Variants in NDST1 observed in about 807,000 individuals in gnomAD.
NDST1 encodes the protein N-deacetylase and N-sulfotransferase 1.
A neutral mutation model predicts 92.8 loss-of-function variants in NDST1; 35 were observed. That is an observed-to-expected ratio of 0.38 (90% CI 0.29 to 0.50). NDST1 has a LOEUF of 0.50. NDST1 is among the 20% of genes least tolerant of loss of function. The probability of loss-of-function intolerance (pLI) is 0.94; values close to 1 mark genes in which losing one functional copy is unlikely to be tolerated. For missense variants in NDST1, 822 were observed against 1,182.7 expected, an observed-to-expected ratio of 0.69 and a Z score of 4.47; for synonymous variants, 493 against 500.3, an observed-to-expected ratio of 0.99 and a Z score of 0.19.
chr5:150,506,445 G>A (rs72805964), upstream of NDST1, among the ~76,000 whole-genome samples: 28,022 of 152,020 alleles, frequency 0.18, 3,058 homozygotes, highest in Admixed American at 0.3. Flanking sequence ...GGCTCCTCGC[G>A]GGCCTCACCT....
Position 150,551,747 on chromosome 5 carries a change from C to G in NDST1, c.2427-6C>G, listed in dbSNP as rs1272262688. 1 of 1,612,304 alleles carries G rather than the reference C, an allele frequency of 6.2e-7. No individual in the cohort carries two copies. Among genetic ancestry groups the G allele is most frequent in the African/African-American group, 1.3e-5 (1 of 74,894 alleles). ...CTCCCATCCAAAGACTTTCCCACCT[C>G]CACAGGTTTGATCCAAAGAAAGGAT... On this transcript the variant is annotated splice_region_variant and splice_polypyrimidine_tract_variant and intron_variant, in intron 13 of 14. Transcript: ENST00000261797.
intron 12 of NDST1, among the ~76,000 whole-genome samples, chr5:150,548,617 G>C (rs1408458520): frequency 6.6e-6 from 1 of 151,748 alleles, no homozygotes; most frequent in Non-Finnish European, 1.5e-5. Flanking sequence ...GCTCACTATA[G>C]CCTCGATGTC....
intron 1 of NDST1, among the ~76,000 whole-genome samples, chr5:150,511,611 G>A (rs1302452733): frequency 2.0e-5 from 3 of 152,058 alleles, no homozygotes. Context: ...GGTAGACTGT[G>A]CTCTCTGTGG....
At position 150,521,613 on chromosome 5, in the gene NDST1, G is replaced by A; in HGVS notation, c.359G>A (p.Gly120Asp). 6.2e-7 allele frequency: 1 copy of A among 1,614,064 alleles called. No homozygotes were observed. The highest frequency in any genetic ancestry group is 8.5e-7 in the Non-Finnish European group (1 of 1,180,044). ...KYRTEIAPGKGDMPTLTDKGR... is the reference protein window; with the variant it reads ...KYRTEIAPGKDDMPTLTDKGR... ...CGCACAGAGATTGCGCCGGGCAAGG[G>A]TGACATGCCCACGCTCACTGACAAG... The change falls in exon 2 of 15, where the codon GGT (glycine) becomes GAT (aspartate). Residue 120 changes from glycine (G) to aspartate (D), a missense_variant. Physicochemically the swap from Gly to Asp is moderately conservative, Grantham distance 94 (BLOSUM62 -1). Transcript: ENST00000261797. This position sits in a 1 kb window ranked among gnomAD's most constrained non-coding sequence, Gnocchi z 5.9.
intron 14 of NDST1, 51 bp downstream of exon 14, chr5:150,551,906 CTG>C: frequency 6.2e-7 from 1 of 1,603,876 alleles, no homozygotes; most frequent in South Asian, 1.1e-5. Context: ...TAAGGGGTCC[CTG>C]TATGGAGTTG....
Position 150,521,129 on chromosome 5 carries a change from G to A in NDST1, c.-126G>A. On this transcript the variant is annotated 5_prime_UTR_variant, in exon 2 of 15. Coordinates refer to ENST00000261797, the MANE Select transcript of NDST1 (RefSeq NM_001543.5). This position sits in a 1 kb window ranked among gnomAD's most constrained non-coding sequence, Gnocchi z 5.9. ...TCCTCCACTCCCAGTGCCCCACAAGGGCGTCGCTTCCTAAGTCTCTGTGAA... is the reference window on the plus strand; with the variant it reads ...TCCTCCACTCCCAGTGCCCCACAAGAGCGTCGCTTCCTAAGTCTCTGTGAA... 1.2e-6 allele frequency: 1 copy of A among 844,060 alleles called. No individual in the cohort carries two copies. Among genetic ancestry groups the A allele is most frequent in the Non-Finnish European group, 1.8e-6 (1 of 550,654 alleles). The allele number at this position is 844,060 out of a possible 1,614,324, so 52.3% of individuals were successfully genotyped here.
intron 9 of NDST1, 34 bp from the exon 10 acceptor site, chr5:150,542,814 G>T (rs1167118273): frequency 1.2e-6 from 2 of 1,613,692 alleles, no homozygotes; most frequent in Non-Finnish European, 1.7e-6. Flanking sequence ...CTGGGGGCTG[G>T]GCCCTGGGTC....
intron 5 of NDST1, 144 bp from the exon 6 acceptor site, chr5:150,535,556 A>C: frequency 8.3e-7 from 1 of 1,211,358 alleles, no homozygotes; most frequent in South Asian, 1.3e-5. Flanking sequence ...CCCAGGCCTC[A>C]GCTTCCCATC....
chr5:150,553,272 G>A lies in NDST1; in HGVS notation c.2589G>A (p.Leu863=), dbSNP rs148765445. ...RDHNIELSKL[L]YKMGQTLPTW... ...ACAACATCGAGCTCTCCAAGCTGCT[G>A]TATAAGATGGGCCAGACACTTCCCA... Residue 863 remains leucine (L), a synonymous_variant, in exon 15 of 15, where the codon CTG becomes CTA. Transcript: ENST00000261797. This position sits in a 1 kb window ranked among gnomAD's most constrained non-coding sequence, Gnocchi z 4.2. 557 of 1,613,948 alleles carry A rather than the reference G, an allele frequency of 3.5e-4. 1 individual carries two copies. In the African/African-American group the frequency reaches 5.7e-3, roughly 17 times the overall value.
intron 1 of NDST1, among the ~76,000 whole-genome samples, chr5:150,509,919 C>G (rs1442586342): frequency 6.6e-6 from 1 of 152,180 alleles, no homozygotes; most frequent in East Asian, 1.9e-4. Flanking sequence ...CAGGCTTTCC[C>G]AGGAGGCTGA....
chr5:150,522,955 G>A (rs1037747862), intron 2 of NDST1, among the ~76,000 whole-genome samples: 7 of 152,308 alleles, frequency 4.6e-5, no homozygotes, highest in African/African-American at 1.2e-4. Context: ...GAGGAGGAGC[G>A]GGAGATGGGT....
chr5:150,548,889 T>G (rs1755605915), intron 12 of NDST1, among the ~76,000 whole-genome samples: 1 of 152,164 alleles, frequency 6.6e-6, no homozygotes, highest in Non-Finnish European at 1.5e-5. Context: ...CCCAAGCCTG[T>G]GTCCCATCAC....
chr5:150,522,936 G>C (rs1357131927), intron 2 of NDST1, among the ~76,000 whole-genome samples: 7 of 152,256 alleles, frequency 4.6e-5, no homozygotes, highest in Non-Finnish European at 1.0e-4. Context: ...TGCTTGGTGT[G>C]AGCCAGGAGA....
chr5:150,530,052 C>T (rs149854797), intron 3 of NDST1, among the ~76,000 whole-genome samples: 1 of 152,274 alleles, frequency 6.6e-6, no homozygotes, highest in East Asian at 1.9e-4. Flanking sequence ...CATGCCTGAG[C>T]CTCAGCTATA....
chr5:150,547,475 C>T (rs768596450), intron 11 of NDST1, among the ~76,000 whole-genome samples: 13 of 152,306 alleles, frequency 8.5e-5, no homozygotes, highest in South Asian at 2.1e-4. Flanking sequence ...TCTGCAGATT[C>T]GGACCTCCCA....
Position 150,525,450 on chromosome 5 carries a change from T to C in NDST1, c.514-2354T>C, listed in dbSNP as rs371114987. On this transcript the variant is annotated intron_variant, in intron 2 of 14. Transcript: ENST00000261797. ...AAATGTCTCTGGCCCCTACCGCTTTTGTCCCCACACAGCCCAAGTAGTTCC... is the reference window on the plus strand; with the variant it reads ...AAATGTCTCTGGCCCCTACCGCTTTCGTCCCCACACAGCCCAAGTAGTTCC... Among the ~76,000 whole-genome samples the C allele has an allele frequency of 2.8e-3, 432 of 152,296 alleles. 9 individuals are homozygous for C. In the South Asian group the frequency reaches 0.043, roughly 15 times the overall value.
At chr5:150,498,641 AC>A (rs1219163842) in intron 1 of NDST1, among the ~76,000 whole-genome samples, 1 of 152,166 alleles carries the variant, frequency 6.6e-6, no homozygotes, top group Non-Finnish European at 1.5e-5. Flanking sequence ...CAGGCAGGGC[AC>A]GATTCTCAAC....
At position 150,539,336 on chromosome 5, in the gene NDST1, C is replaced by G; in HGVS notation, c.1546C>G (p.Leu516Val). 6.2e-7 allele frequency: 1 copy of G among 1,614,166 alleles called. No homozygotes were observed. Among genetic ancestry groups the G allele is most frequent in the East Asian group, 2.2e-5 (1 of 44,878 alleles). ...GATCATCAACGGGGGCGAGCTCTTC[C>G]TCACCGTGCTCCTCAATCCTGTGAG... ...DKIINGGELF[L>V]TVLLNPISIF... Residue 516 changes from leucine (L) to valine (V), a missense_variant, in exon 7 of 15, where the codon CTC becomes GTC. Transcript: ENST00000261797.
At chr5:150,507,869 C>G (rs1753533326), upstream of NDST1, among the ~76,000 whole-genome samples, 3 of 152,238 alleles carry the variant, frequency 2.0e-5, no homozygotes, top group Admixed American at 6.5e-5. Flanking sequence ...CCGTGGAAGG[C>G]TCCTCCAGGC....
Sources: gnomAD v4.1 joint callset for allele counts (sites outside exome capture counted in the v4.1 genomes callset) on GRCh38, gnomAD v4.1.1 for gene constraint, Gnocchi (gnomAD v3.1) non-coding constraint, MANE v1.5 for transcripts, NCBI Gene and HGNC (gene_info 2026-07-23, HGNC 2026-07-21) for gene names.